Variants in RASSF8 observed in about 807,000 individuals in gnomAD.
RASSF8 encodes the protein Ras association domain family member 8, also known as ras association domain-containing protein 8.
Under a neutral mutation model 48.5 loss-of-function variants are expected in RASSF8, and 22 were observed. The ratio of observed to expected loss-of-function variants is 0.45; its 90% CI spans 0.32 to 0.65. The LOEUF is 0.65. RASSF8 is among the 30% of genes least tolerant of loss of function. RASSF8 has a pLI of 0.03. For synonymous variants in RASSF8, 127 were observed against 171.5 expected, an observed-to-expected ratio of 0.74 and a Z score of 2.03; for missense variants, 418 against 489.2, an observed-to-expected ratio of 0.85 and a Z score of 1.37.
intron 1 of RASSF8, among the ~76,000 whole-genome samples, chr12:25,966,363 C>T (rs1941359862): frequency 6.6e-6 from 1 of 152,080 alleles, no homozygotes; most frequent in Non-Finnish European, 1.5e-5. Flanking sequence ...GCCACCATGC[C>T]CGGCTGTTTT....
intron 2 of RASSF8, among the ~76,000 whole-genome samples, chr12:26,025,471 A>G (rs1435138546): frequency 6.6e-6 from 1 of 151,254 alleles, no homozygotes; most frequent in African/African-American, 2.4e-5. Context: ...CTGAGGCAGG[A>G]GAATGGCGTG....
At chr12:25,974,034 T>G (rs1055649345) in intron 1 of RASSF8, 5 of 151,910 alleles carry the variant, frequency 3.3e-5, no homozygotes, top group African/African-American at 1.2e-4. Context: ...AGGTTGCAGT[T>G]TGAGCAAAAC....
intron 2 of RASSF8, among the ~76,000 whole-genome samples, chr12:25,995,331 G>T (rs1307648999): frequency 1.3e-5 from 2 of 152,162 alleles, no homozygotes; most frequent in Non-Finnish European, 2.9e-5. Context: ...TGTTACCACT[G>T]CAGTATAATT....
downstream of RASSF8, among the ~76,000 whole-genome samples, chr12:26,073,203 A>C (rs1380412004): frequency 6.6e-6 from 1 of 152,232 alleles, no homozygotes; most frequent in Non-Finnish European, 1.5e-5. Context: ...CACCGGTCAC[A>C]CTTTAAACAT....
At chr12:26,027,319 A>G (rs1942936040) in intron 2 of RASSF8, among the ~76,000 whole-genome samples, 1 of 152,234 alleles carries the variant, frequency 6.6e-6, no homozygotes, top group Admixed American at 6.5e-5. Flanking sequence ...TGTATGCCTT[A>G]AAGTGAATTG....
chr12:26,033,756 C>T (rs192799126), intron 2 of RASSF8, among the ~76,000 whole-genome samples: 84 of 152,184 alleles, frequency 5.5e-4, no homozygotes, highest in African/African-American at 1.9e-3. Flanking sequence ...TGCCTTGTCC[C>T]TGTCAAGTTT....
chr12:26,067,733 G>A lies in RASSF8; in HGVS notation c.1138+20G>A, dbSNP rs1013681135. The A allele has an allele frequency of 1.4e-5, 23 of 1,612,536 alleles. No homozygotes were observed. The highest frequency in any genetic ancestry group is 2.0e-5 in the Non-Finnish European group (23 of 1,179,326). ...AAAGGGGTAAGATGTTGATAAATATGGTTTATTTTCCCTTTATTCTCACTG... is the reference window on the plus strand; with the variant it reads ...AAAGGGGTAAGATGTTGATAAATATAGTTTATTTTCCCTTTATTCTCACTG... On this transcript the variant is annotated intron_variant, in intron 5 of 5. Transcript: ENST00000689635.
At chr12:26,052,861 A>G (rs1943521523) in intron 2 of RASSF8, 1 of 152,196 alleles carries the variant, frequency 6.6e-6, no homozygotes, top group Non-Finnish European at 1.5e-5. Flanking sequence ...TTAATGACTC[A>G]ATATATGACT....
At chr12:26,050,625 A>T (rs61915665) in intron 2 of RASSF8, among the ~76,000 whole-genome samples, 11,469 of 152,328 alleles carry the variant, frequency 0.075, 466 homozygotes, top group East Asian at 0.12. Flanking sequence ...GTGTGAATTT[A>T]AAGAAAATGC....
chr12:25,998,425 C>A (rs1942181390), intron 2 of RASSF8, among the ~76,000 whole-genome samples: 2 of 151,246 alleles, frequency 1.3e-5, no homozygotes, highest in South Asian at 4.2e-4. Context: ...TCTTGGCTCG[C>A]CGCAACCTCC....
intron 2 of RASSF8, among the ~76,000 whole-genome samples, chr12:26,010,578 T>G (rs1942499071): frequency 1.3e-5 from 2 of 152,240 alleles, no homozygotes; most frequent in South Asian, 4.1e-4. Context: ...AGCTCTTTCC[T>G]TAATTATCTC....
At chr12:26,058,932 C>A (rs907700291) in intron 3 of RASSF8, among the ~76,000 whole-genome samples, 1 of 152,192 alleles carries the variant, frequency 6.6e-6, no homozygotes, top group Admixed American at 6.5e-5. Context: ...AGTGGTTCAA[C>A]TGTCCTGCAA....
intron 2 of RASSF8, among the ~76,000 whole-genome samples, chr12:26,000,416 A>G (rs1190744072): frequency 1.3e-5 from 2 of 152,216 alleles, no homozygotes; most frequent in Non-Finnish European, 1.5e-5. Context: ...AATTTTGCTT[A>G]TATCATGTAC....
Position 26,069,082 on chromosome 12 carries a change from G to A in RASSF8, c.*264G>A, listed in dbSNP as rs1453880164. On this transcript the variant is annotated 3_prime_UTR_variant, in exon 6 of 6. Coordinates refer to ENST00000689635, the MANE Select transcript of RASSF8 (RefSeq NM_001394098.1). ...TTCGTTTTTATTTGTAGCATTTTGA[G>A]AGCTTTAGGAAAGTATTATATAGTG... The A allele has an allele frequency of 2.7e-6, 3 of 1,130,958 alleles. No homozygotes were observed. Among genetic ancestry groups the A allele is most frequent in the Admixed American group, 4.4e-5 (1 of 22,492 alleles). The allele number at this position is 1,130,958 out of a possible 1,614,324, so 70.1% of individuals were successfully genotyped here.
intron 1 of RASSF8, among the ~76,000 whole-genome samples, chr12:25,989,230 A>G (rs1032152089): frequency 6.6e-6 from 1 of 152,170 alleles, no homozygotes; most frequent in African/African-American, 2.4e-5. Context: ...ACCCACAGCC[A>G]TACTGTTCTT....
chr12:26,024,882 G>A (rs1434493670), intron 2 of RASSF8, among the ~76,000 whole-genome samples: 2 of 152,242 alleles, frequency 1.3e-5, no homozygotes, highest in South Asian at 4.1e-4. Context: ...GCATGAATCT[G>A]GGAGGCGGAG....
intron 2 of RASSF8, among the ~76,000 whole-genome samples, chr12:26,016,454 A>C (rs943814443): frequency 6.6e-6 from 1 of 152,048 alleles, no homozygotes; most frequent in Admixed American, 6.6e-5. Flanking sequence ...CTTAATATGC[A>C]CATTTTTGCT....
In RASSF8 at chr12:26,072,145, G is replaced by A. The variant is rs988322432; in HGVS notation, c.*3327G>A. ...TAAATTTGGCCTTAATTTATATAAC[G>A]ATGCTGTGTTCACATCCCTCTCCTA... On this transcript the variant is annotated 3_prime_UTR_variant, in exon 6 of 6. Transcript: ENST00000689635. 9.1e-6 allele frequency: 9 copies of A among 983,688 alleles called. No individual in the cohort carries two copies. The East Asian group carries it at 3.4e-4, about 37-fold the overall frequency. 60.9% of individuals were successfully genotyped at this position (983,688 alleles called of 1,614,324 possible).
At chr12:26,012,000 G>A (rs1218669438) in intron 2 of RASSF8, among the ~76,000 whole-genome samples, 1 of 152,072 alleles carries the variant, frequency 6.6e-6, no homozygotes, top group Admixed American at 6.5e-5. Flanking sequence ...ACATATCCAT[G>A]GCATATAGTA....
Sources: allele counts gnomAD v4.1 joint callset (sites outside exome capture counted in the v4.1 genomes callset), GRCh38; gene constraint gnomAD v4.1.1; transcripts MANE v1.5; gene names NCBI Gene and HGNC (gene_info 2026-07-23, HGNC 2026-07-21).